Variants in SUMF1 observed in about 807,000 individuals in gnomAD.
The protein encoded by SUMF1 is sulfatase modifying factor 1, also known as formylglycine-generating enzyme.
SUMF1 carries 48 observed loss-of-function variants against 47.6 expected under a neutral mutation model. The observed-to-expected ratio is 1.01, with a 90% CI of 0.80 to 1.28. The LOEUF (loss-of-function observed/expected upper bound fraction) is 1.28. Ranked by LOEUF, SUMF1 falls within the 50% of genes most tolerant of loss-of-function variation. SUMF1 has a pLI of 0.00. For missense variants in SUMF1, 571 were observed against 485.4 expected, an observed-to-expected ratio of 1.18 and a Z score of -1.66; for synonymous variants, 230 against 192.1, an observed-to-expected ratio of 1.20 and a Z score of -1.63.
At chr3:4,049,628 G>A (rs1488572082) in intron 9 of SUMF1, among the ~76,000 whole-genome samples, 1 of 152,076 alleles carries the variant, frequency 6.6e-6, no homozygotes, top group African/African-American at 2.4e-5. Context: ...CCAGCCCCAG[G>A]GCAGCATTCA....
intron 8 of SUMF1, among the ~76,000 whole-genome samples, chr3:4,263,983 T>C (rs6764311): frequency 0.36 from 54,951 of 152,080 alleles, 10,795 homozygotes; most frequent in Non-Finnish European, 0.45. Flanking sequence ...TACATATTAA[T>C]AGCAAATCTT....
chr3:4,350,095 T>C (rs2662121), intron 8 of SUMF1, among the ~76,000 whole-genome samples: 1 of 150,928 alleles, frequency 6.6e-6, no homozygotes, highest in Non-Finnish European at 1.5e-5. Context: ...CTGCCTTCCG[T>C]GTTTGAGCAA....
At chr3:4,456,219 A>G (rs1011197828) in intron 1 of SUMF1, among the ~76,000 whole-genome samples, 3 of 152,220 alleles carry the variant, frequency 2.0e-5, no homozygotes, top group African/African-American at 7.2e-5. Context: ...AATGTACCTT[A>G]ACATGAGTCA....
At chr3:4,421,763 G>A (rs1301137595) in intron 3 of SUMF1, among the ~76,000 whole-genome samples, 3 of 152,034 alleles carry the variant, frequency 2.0e-5, no homozygotes, top group Non-Finnish European at 4.4e-5. Flanking sequence ...GGGATTACAG[G>A]TGTAAGCTAC....
chr3:4,115,718 C>T lies in SUMF1; in HGVS notation c.1015-46973G>A, dbSNP rs1055025721. On this transcript the variant is annotated intron_variant and NMD_transcript_variant, in intron 8 of 12. Coordinates refer to the SUMF1 transcript ENST00000448413. Reference sequence around the variant, plus strand: ...CCTTGCTAATTTTTCATCTTTTTAACGAATTATATTCTTTGCATGTTTGAG... The same window carrying T: ...CCTTGCTAATTTTTCATCTTTTTAATGAATTATATTCTTTGCATGTTTGAG... Among the ~76,000 whole-genome samples, 12 of 152,068 alleles carry T rather than the reference C, an allele frequency of 7.9e-5. 1 individual carries two copies. The highest frequency in any genetic ancestry group is 2.9e-4 in the African/African-American group (12 of 41,364).
intron 8 of SUMF1, among the ~76,000 whole-genome samples, chr3:4,373,116 A>C (rs1273011428): frequency 6.6e-6 from 1 of 152,218 alleles, no homozygotes; most frequent in African/African-American, 2.4e-5. Flanking sequence ...ACTTTAAATC[A>C]ACCACTAAGA....
intron 8 of SUMF1, among the ~76,000 whole-genome samples, chr3:4,175,851 G>A (rs76024477): frequency 6.6e-6 from 1 of 152,110 alleles, no homozygotes; most frequent in African/African-American, 2.4e-5. Context: ...TAAATGACCT[G>A]GTGGAGCTGA....
chr3:4,219,406 C>T (rs1254451314), intron 8 of SUMF1, among the ~76,000 whole-genome samples: 2 of 152,158 alleles, frequency 1.3e-5, no homozygotes, highest in East Asian at 3.9e-4. Flanking sequence ...ATGGAACCCA[C>T]ACTCATATCT....
intron 8 of SUMF1, among the ~76,000 whole-genome samples, chr3:4,247,827 G>C (rs907953818): frequency 3.3e-5 from 5 of 152,294 alleles, no homozygotes; most frequent in Admixed American, 6.5e-5. Context: ...TTTCGATGAA[G>C]TACAAAAAGT....
chr3:4,306,404 G>T (rs1446738667), intron 8 of SUMF1, among the ~76,000 whole-genome samples: 1 of 152,076 alleles, frequency 6.6e-6, no homozygotes, highest in Non-Finnish European at 1.5e-5. Context: ...ATTTTTAAAA[G>T]GGGAGAAAGG....
At chr3:4,213,400 C>A (rs1314530584) in intron 8 of SUMF1, among the ~76,000 whole-genome samples, 2 of 152,152 alleles carry the variant, frequency 1.3e-5, no homozygotes, top group South Asian at 2.1e-4. Flanking sequence ...GTTACAAGAG[C>A]TCCTAAAGGA....
At chr3:4,119,154 C>T (rs1006521503) in intron 8 of SUMF1, among the ~76,000 whole-genome samples, 1 of 152,156 alleles carries the variant, frequency 6.6e-6, no homozygotes, top group African/African-American at 2.4e-5. Flanking sequence ...CCTTCCTCAA[C>T]CTTCAGATTA....
At position 4,410,962 on chromosome 3, in the gene SUMF1, G is replaced by A. The variant is rs1233453075; in HGVS notation, c.857C>T (p.Pro286Leu). The A allele has an allele frequency of 1.2e-6, 2 of 1,613,896 alleles. No individual in the cohort carries two copies. The highest frequency in any genetic ancestry group is 1.3e-5 in the African/African-American group (1 of 74,902). The change falls in exon 7 of 9, where the codon CCC becomes CTC. Residue 286 changes from proline (P) to leucine (L), a missense_variant. Physicochemically the swap from Pro to Leu is moderately conservative, Grantham distance 98. Coordinates refer to ENST00000272902, the MANE Select transcript of SUMF1 (RefSeq NM_182760.4). ...TATGTTGTATAAGCCATAACCATTG[G>A]GAGGGAAGGCATCAACCTAAAAACA... Reference protein sequence around the residue: ...QGTAPVDAFPPNGYGLYNIVG... With the variant: ...QGTAPVDAFPLNGYGLYNIVG...
chr3:4,347,606 C>G (rs1044613284), intron 8 of SUMF1, among the ~76,000 whole-genome samples: 2 of 152,142 alleles, frequency 1.3e-5, no homozygotes, highest in Non-Finnish European at 2.9e-5. Flanking sequence ...AGAAGCATTC[C>G]CTTTGAAAAC....
At chr3:4,285,513 G>A (rs1697616107) in intron 8 of SUMF1, among the ~76,000 whole-genome samples, 1 of 152,096 alleles carries the variant, frequency 6.6e-6, no homozygotes, top group South Asian at 2.1e-4. Flanking sequence ...CCTAAACTTT[G>A]ACAATGAAAT....
At chr3:4,379,831 C>A (rs1479457000) in intron 7 of SUMF1, among the ~76,000 whole-genome samples, 56 of 112,148 alleles carry the variant, frequency 5.0e-4, no homozygotes, top group African/African-American at 1.8e-3. Flanking sequence ...ACAGAGCGAG[C>A]CTCCATCTCA....
At chr3:4,092,799 G>C (rs2125054407) in intron 8 of SUMF1, among the ~76,000 whole-genome samples, 1 of 152,228 alleles carries the variant, frequency 6.6e-6, no homozygotes, top group Non-Finnish European at 1.5e-5. Flanking sequence ...TGTTGCATGT[G>C]AAACATTCAT....
chr3:4,133,366 G>A (rs968487550), intron 8 of SUMF1, among the ~76,000 whole-genome samples: 2 of 152,086 alleles, frequency 1.3e-5, no homozygotes, highest in Non-Finnish European at 2.9e-5. Flanking sequence ...TGAAAATTAT[G>A]TATGATCTCA....
At position 4,040,698 on chromosome 3, in the gene SUMF1, A is replaced by C. The variant is rs1316186044; in HGVS notation, c.1191+27871T>G. On this transcript the variant is annotated intron_variant and NMD_transcript_variant, in intron 9 of 12. Coordinates refer to the SUMF1 transcript ENST00000448413. ...ATGTCACGTAAAACTAACAAATTGTAATCTGGTTTTAGTAGACAGTGAGCT... is the reference window on the plus strand; with the variant it reads ...ATGTCACGTAAAACTAACAAATTGTCATCTGGTTTTAGTAGACAGTGAGCT... Among the ~76,000 whole-genome samples the C allele has an allele frequency of 2.6e-5, 4 of 152,218 alleles. 1 individual carries two copies. Among genetic ancestry groups the C allele is most frequent in the Admixed American group, 6.5e-5 (1 of 15,274 alleles).
Sources: allele counts gnomAD v4.1 joint callset (sites outside exome capture counted in the v4.1 genomes callset), GRCh38; gene constraint gnomAD v4.1.1; transcripts MANE v1.5; gene names NCBI Gene and HGNC (gene_info 2026-07-23, HGNC 2026-07-21).